The following STMN4 variants were observed in gnomAD, a reference collection of about 807,000 sequenced individuals.
STMN4 encodes the protein stathmin 4, also known as stathmin-4.
A neutral mutation model predicts 29.1 loss-of-function variants in STMN4; 12 were observed. That is an observed-to-expected ratio of 0.41 (90% CI 0.26 to 0.67). The LOEUF is 0.67. STMN4 is among the 30% of genes least tolerant of loss of function. The probability of loss-of-function intolerance (pLI) is 0.30; values close to 1 mark genes in which losing one functional copy is unlikely to be tolerated. For synonymous variants in STMN4, 114 were observed against 105.3 expected (o/e 1.08, Z -0.51); for missense variants, 181 against 262.8 (o/e 0.69, Z 2.15).
chr8:27,239,303 A>G, intron 6 of STMN4: 1 of 1,535,442 alleles, frequency 6.5e-7, no homozygotes, highest in Non-Finnish European at 8.7e-7. Context: ...ACAGAGCTGG[A>G]GCTCTCCCAG....
intron 6 of STMN4, among the ~76,000 whole-genome samples, chr8:27,237,592 A>C (rs1435780062): frequency 6.6e-6 from 1 of 152,182 alleles, no homozygotes; most frequent in Non-Finnish European, 1.5e-5. Flanking sequence ...AAGAATTTTG[A>C]AAATGTTGCC....
chr8:27,248,940 C>T (rs1011671196), intron 1 of STMN4, among the ~76,000 whole-genome samples: 1 of 152,250 alleles, frequency 6.6e-6, no homozygotes, highest in African/African-American at 2.4e-5. Context: ...TTTCACATCT[C>T]ACCCAGCACT....
intron 5 of STMN4, 126 bp downstream of exon 5, chr8:27,240,928 G>C: frequency 1.1e-6 from 1 of 931,140 alleles, no homozygotes; most frequent in Non-Finnish European, 1.6e-6. Flanking sequence ...CCGCACACTC[G>C]GGAGATGCTC....
At chr8:27,240,677 C>T (rs891958567) in intron 5 of STMN4, among the ~76,000 whole-genome samples, 6 of 152,110 alleles carry the variant, frequency 3.9e-5, no homozygotes, top group African/African-American at 7.2e-5. Context: ...GAAGGCATCC[C>T]GGGCCTCGAG....
chr8:27,244,699 C>G (rs1042838930), intron 1 of STMN4, among the ~76,000 whole-genome samples: 3 of 151,514 alleles, frequency 2.0e-5, no homozygotes, highest in African/African-American at 7.3e-5. Flanking sequence ...ACTCAGTGTC[C>G]GTGGGATCAG....
intron 1 of STMN4, among the ~76,000 whole-genome samples, chr8:27,246,401 C>T (rs551386902): frequency 6.6e-6 from 1 of 152,288 alleles, no homozygotes; most frequent in East Asian, 1.9e-4. Context: ...TCGTAATAGC[C>T]TCGTAAGGCA....
intron 2 of STMN4, among the ~76,000 whole-genome samples, 163 bp downstream of exon 2, chr8:27,243,548 C>T (rs576845966): frequency 8.5e-5 from 13 of 152,116 alleles, no homozygotes; most frequent in South Asian, 2.1e-4. Flanking sequence ...GTGTGCCTCC[C>T]GCCACTGCCT....
chr8:27,238,456 C>T (rs1264710630), intron 6 of STMN4, among the ~76,000 whole-genome samples: 4 of 152,354 alleles, frequency 2.6e-5, no homozygotes, highest in South Asian at 4.1e-4. Context: ...TGAGTCTACC[C>T]GACCTCCACA....
At chr8:27,242,281 G>A in intron 3 of STMN4, 116 bp downstream of exon 3, 1 of 1,048,334 alleles carries the variant, frequency 9.5e-7, no homozygotes, top group Non-Finnish European at 1.4e-6. Flanking sequence ...TCGGCACTGG[G>A]AAGGAAACTG....
rs1404869873 is a variant in STMN4, at chr8:27,253,717, ATTTC to A, written c.-79+4630_-79+4633del. On this transcript the variant is annotated intron_variant, in intron 1 of 6. Coordinates refer to ENST00000350889, the MANE Select transcript of STMN4 (RefSeq NM_030795.4). ...TTGATACCATTTTTTTTTGTATTTG[ATTTC>A]TTTAATTTGATTTTTTTTTTGATTA... 1.2e-4 allele frequency among the ~76,000 whole-genome samples: 18 copies of A among 149,712 alleles called. No homozygotes were observed. In the East Asian group the frequency reaches 3.6e-3, roughly 30 times the overall value.
chr8:27,244,703 G>T (rs1193545367), intron 1 of STMN4, among the ~76,000 whole-genome samples: 1 of 152,112 alleles, frequency 6.6e-6, no homozygotes, highest in Non-Finnish European at 1.5e-5. Flanking sequence ...AGTGTCCGTG[G>T]GATCAGGTCA....
intron 1 of STMN4, among the ~76,000 whole-genome samples, chr8:27,254,604 A>G (rs1179241086): frequency 6.7e-6 from 1 of 148,582 alleles, no homozygotes; most frequent in East Asian, 2.0e-4. Context: ...ATGTGTGTGT[A>G]GGGGATGGAG....
chr8:27,252,498 C>T (rs912018491), intron 1 of STMN4, among the ~76,000 whole-genome samples: 1 of 152,150 alleles, frequency 6.6e-6, no homozygotes, highest in African/African-American at 2.4e-5. Flanking sequence ...ACTGTGTTGC[C>T]CAGGTTAGCC....
chr8:27,241,558 G>A, intron 4 of STMN4, 119 bp downstream of exon 4: 1 of 1,264,610 alleles, frequency 7.9e-7, no homozygotes, highest in Non-Finnish European at 1.1e-6. Flanking sequence ...TCTGACTGCT[G>A]AGCTGCTCAA....
At chr8:27,241,595 G>A in intron 4 of STMN4, 82 bp downstream of exon 4, 1 of 1,509,846 alleles carries the variant, frequency 6.6e-7, no homozygotes, top group Non-Finnish European at 9.2e-7. Context: ...ACAGGCAGGG[G>A]TGCGTTTCAG....
chr8:27,242,477 ATCT>A lies in STMN4; in HGVS notation c.26_28del (p.Lys9del). ...CAAGGACACCAGCGGGAGCTCCTTC[ATCT>A]TCTCTTTGTAGGCTGCGGAAACACC... On this transcript the variant is annotated inframe_deletion, in exon 3 of 7. Transcript: ENST00000350889. The A allele has an allele frequency of 6.2e-7, 1 of 1,614,138 alleles. No homozygotes were observed. The highest frequency in any genetic ancestry group is 8.5e-7 in the Non-Finnish European group (1 of 1,180,008).
intron 1 of STMN4, among the ~76,000 whole-genome samples, chr8:27,251,814 T>A (rs536675630): frequency 6.6e-6 from 1 of 152,096 alleles, no homozygotes; most frequent in Non-Finnish European, 1.5e-5. Flanking sequence ...TTTTCTTTTT[T>A]TTTTTATTAT....
At chr8:27,251,490 C>T (rs548680680) in intron 1 of STMN4, among the ~76,000 whole-genome samples, 1 of 151,998 alleles carries the variant, frequency 6.6e-6, no homozygotes, top group Non-Finnish European at 1.5e-5. Flanking sequence ...CATCAATATA[C>T]AGGGCAAGCC....
At chr8:27,254,456 T>C (rs998450358) in intron 1 of STMN4, among the ~76,000 whole-genome samples, 1 of 152,196 alleles carries the variant, frequency 6.6e-6, no homozygotes. Context: ...CCGCCTTTTC[T>C]GATCTGTTCT....
Sources: allele counts gnomAD v4.1 joint callset (sites outside exome capture counted in the v4.1 genomes callset), GRCh38; gene constraint gnomAD v4.1.1; transcripts MANE v1.5; gene names NCBI Gene and HGNC (gene_info 2026-07-23, HGNC 2026-07-21).